The following TRAPPC10 variants were observed in gnomAD, a reference collection of about 807,000 sequenced individuals.
TRAPPC10 encodes TRAPP 130 kDa subunit.
A neutral mutation model predicts 125.5 loss-of-function variants in TRAPPC10; 23 were observed. The observed-to-expected ratio is 0.18, with a 90% CI of 0.13 to 0.26. TRAPPC10 has a LOEUF of 0.26. TRAPPC10 is among the 10% of genes least tolerant of loss of function. The pLI is 1.00. For synonymous variants in TRAPPC10, 509 were observed against 518.0 expected (o/e 0.98, Z 0.24); for missense variants, 1,123 against 1,308.4 (o/e 0.86, Z 2.19).
At chr21:44,012,919 G>A (rs1425666337) in intron 1 of TRAPPC10, among the ~76,000 whole-genome samples, 2 of 152,118 alleles carry the variant, frequency 1.3e-5, no homozygotes, top group Non-Finnish European at 2.9e-5. Flanking sequence ...GGGACCTGGG[G>A]GCCCCGGCCT....
chr21:44,079,400 A>G (rs2037516348), intron 11 of TRAPPC10, 164 bp from the exon 12 acceptor site: 2 of 652,220 alleles, frequency 3.1e-6, no homozygotes, highest in East Asian at 3.0e-5. Flanking sequence ...CTGAGTAGGT[A>G]CTCTTTCTCA....
Position 44,059,663 on chromosome 21 carries a change from C to A in TRAPPC10, c.790+449C>A. 1 of 563,412 alleles carries A rather than the reference C, an allele frequency of 1.8e-6. No homozygotes were observed. The highest frequency in any genetic ancestry group is 2.6e-5 in the South Asian group (1 of 37,872). The allele number at this position is 563,412 out of a possible 1,614,324, so 34.9% of individuals were successfully genotyped here. On this transcript the variant is annotated intron_variant, in intron 6 of 22. Transcript: ENST00000291574. This position sits in a 1 kb window ranked among gnomAD's most constrained non-coding sequence, Gnocchi z 4.4. ...GCACTTTTAAATAATATCTTAAGCT[C>A]CTTTACAATTAAAGAATTAGCACAG...
At chr21:44,060,502 G>A (rs185231880) in intron 6 of TRAPPC10, among the ~76,000 whole-genome samples, 1 of 152,206 alleles carries the variant, frequency 6.6e-6, no homozygotes, top group Admixed American at 6.5e-5. Context: ...GGATGGTCTC[G>A]ATCTCCTGAC....
chr21:44,077,128 C>G (rs1601771501), intron 10 of TRAPPC10, among the ~76,000 whole-genome samples: 2 of 152,116 alleles, frequency 1.3e-5, no homozygotes, highest in Admixed American at 1.3e-4. Flanking sequence ...AGCATGTCAC[C>G]CACGTGCAGA....
intron 4 of TRAPPC10, among the ~76,000 whole-genome samples, chr21:44,053,167 C>T (rs1201902753): frequency 2.6e-5 from 4 of 152,128 alleles, no homozygotes; most frequent in Non-Finnish European, 5.9e-5. Context: ...GGTCACCATG[C>T]TTATGGTGGC....
chr21:44,015,452 C>T (rs2031715259), intron 1 of TRAPPC10, among the ~76,000 whole-genome samples: 1 of 152,084 alleles, frequency 6.6e-6, no homozygotes, highest in Admixed American at 6.6e-5. Flanking sequence ...GGGTCTCGCT[C>T]TGTCACCTAG....
At chr21:44,076,829 G>A (rs1014828581) in intron 10 of TRAPPC10, among the ~76,000 whole-genome samples, 15 of 152,186 alleles carry the variant, frequency 9.9e-5, no homozygotes, top group Admixed American at 9.8e-4. Flanking sequence ...ATGGTACCAT[G>A]CTAGGCATGG....
At chr21:44,069,896 C>CTT (rs534080633) in intron 7 of TRAPPC10, among the ~76,000 whole-genome samples, 3 of 147,312 alleles carry the variant, frequency 2.0e-5, no homozygotes, top group African/African-American at 5.0e-5. Flanking sequence ...AGAAGGCATA[C>CTT]TTTTTTTTTT....
At chr21:44,051,143 A>G (rs965423574) in intron 3 of TRAPPC10, among the ~76,000 whole-genome samples, 1 of 152,170 alleles carries the variant, frequency 6.6e-6, no homozygotes, top group Non-Finnish European at 1.5e-5. Context: ...AGCTCAGGCA[A>G]TCCACCCACC....
At chr21:44,067,382 C>T (rs1407785093) in intron 7 of TRAPPC10, among the ~76,000 whole-genome samples, 4 of 152,084 alleles carry the variant, frequency 2.6e-5, no homozygotes, top group Non-Finnish European at 5.9e-5. Context: ...ACAGTGTACC[C>T]GACACCCTGC....
At chr21:44,096,215 T>C (rs144329213) in intron 20 of TRAPPC10, among the ~76,000 whole-genome samples, 1 of 5,378 alleles carries the variant, frequency 1.9e-4, no homozygotes, top group African/African-American at 8.7e-4. Flanking sequence ...TCCCCATGTT[T>C]AAATAGGGTT....
chr21:44,026,336 G>A (rs1264573988), intron 1 of TRAPPC10, among the ~76,000 whole-genome samples: 3 of 152,034 alleles, frequency 2.0e-5, no homozygotes, highest in Non-Finnish European at 2.9e-5. Flanking sequence ...CCAATCTGAA[G>A]CATTAATTTT....
Position 44,083,111 on chromosome 21 carries a change from A to G in TRAPPC10, c.2047A>G (p.Ser683Gly), listed in dbSNP as rs532659058. The part of the protein sequence containing the change: ...ALELYEMFER[S>G]PSDNSLNTTG... ...GGAGTTGTATGAAATGTTTGAGAGAAGCCCATCTGATAACTCCTTGAACAC... is the reference window on the plus strand; with the variant it reads ...GGAGTTGTATGAAATGTTTGAGAGAGGCCCATCTGATAACTCCTTGAACAC... Residue 683 changes from serine to glycine, a missense_variant, in exon 14 of 23, where the codon AGC becomes GGC. Transcript: ENST00000291574. 11 of 1,614,154 alleles carry G rather than the reference A, an allele frequency of 6.8e-6. No homozygotes were observed. In the South Asian group the frequency reaches 9.9e-5, roughly 15 times the overall value.
chr21:44,091,351 C>T (rs182863735), intron 18 of TRAPPC10, among the ~76,000 whole-genome samples: 1 of 152,208 alleles, frequency 6.6e-6, no homozygotes, highest in Non-Finnish European at 1.5e-5. Context: ...GGTGACCAGC[C>T]ATGATCACTT....
chr21:44,039,320 G>T (rs1046465411), intron 3 of TRAPPC10, among the ~76,000 whole-genome samples: 1 of 152,230 alleles, frequency 6.6e-6, no homozygotes, highest in African/African-American at 2.4e-5. Flanking sequence ...CACCTTTACT[G>T]ATGCTCAGGT....
chr21:44,027,322 C>G (rs903944168), intron 1 of TRAPPC10, among the ~76,000 whole-genome samples: 5 of 152,202 alleles, frequency 3.3e-5, no homozygotes, highest in African/African-American at 9.6e-5. Context: ...TTTTGTGATC[C>G]TTTTATACTT....
intron 3 of TRAPPC10, among the ~76,000 whole-genome samples, chr21:44,044,862 T>C (rs2034669639): frequency 6.6e-6 from 1 of 151,912 alleles, no homozygotes. Context: ...ATGGGGTTTC[T>C]GCCATGTTGG....
chr21:44,033,891 T>C (rs2033783126), intron 2 of TRAPPC10, among the ~76,000 whole-genome samples: 1 of 152,002 alleles, frequency 6.6e-6, no homozygotes, highest in Non-Finnish European at 1.5e-5. Context: ...ACTGTGTAGA[T>C]TTAATATTTG....
chr21:44,080,844 C>T (rs1440273195), intron 13 of TRAPPC10, among the ~76,000 whole-genome samples: 1 of 148,318 alleles, frequency 6.7e-6, no homozygotes, highest in Admixed American at 6.7e-5. Context: ...CAGTCTTTTT[C>T]TTCATTTTTT....
Sources: gnomAD v4.1 joint callset for allele counts (sites outside exome capture counted in the v4.1 genomes callset) on GRCh38, gnomAD v4.1.1 for gene constraint, Gnocchi (gnomAD v3.1) non-coding constraint, MANE v1.5 for transcripts, NCBI Gene and HGNC (gene_info 2026-07-23, HGNC 2026-07-21) for gene names.